The following AFF2 variants were observed in gnomAD, a reference collection of about 807,000 sequenced individuals.
AFF2 encodes the protein AF4/FMR2 family member 2.
In AFF2, 14 loss-of-function variants were observed where a neutral mutation model predicts 76.9. The observed-to-expected ratio is 0.18, with a 90% CI of 0.12 to 0.28. The LOEUF is 0.28. Among genes scored for constraint, AFF2 ranks in the 10% least tolerant of loss-of-function variants. AFF2 has a pLI of 1.00. For synonymous variants in AFF2, 398 were observed against 366.7 expected (o/e 1.09, Z -0.98); for missense variants, 868 against 1,001.1 (o/e 0.87, Z 1.79).
intron 1 of AFF2, among the ~76,000 whole-genome samples, chrX:148,545,677 A>C (rs1247352186): frequency 1.2e-4 from 13 of 110,299 alleles, no homozygotes; most frequent in Non-Finnish European, 3.8e-5. Context: ...TCAGTTATAT[A>C]GTCACCCCAG....
In AFF2 at chrX:148,956,537, C is replaced by T. The variant is rs782760302; in HGVS notation, c.2492C>T (p.Thr831Ile). 5.0e-6 allele frequency: 6 copies of T among 1,212,046 alleles called. No individual in the cohort carries two copies. In the East Asian group the frequency reaches 1.8e-4, roughly 36 times the overall value. ...CCTGCCAAGCCAGACCACAAGGAGA[C>T]TGCCACAAAACCCAAGCGTCAGACA... ...AAPAKPDHKE[T>I]ATKPKRQTAV... Residue 831 changes from threonine to isoleucine, a missense_variant, in exon 11 of 21, where the codon ACT becomes ATT. Thr to Ile is a moderately conservative substitution (Grantham distance 89). This residue lies in a region of AFF2 where 532 missense variants were observed against 564.2 expected (regional missense o/e 0.94). Coordinates refer to ENST00000370460, the MANE Select transcript of AFF2 (RefSeq NM_002025.4).
intron 3 of AFF2, among the ~76,000 whole-genome samples, chrX:148,796,912 T>C (rs782254000): frequency 9.7e-5 from 3 of 31,058 alleles, no homozygotes; most frequent in South Asian, 3.0e-3. Context: ...ATAGTTGAGA[T>C]ACTTTGGCCT....
intron 3 of AFF2, among the ~76,000 whole-genome samples, chrX:148,711,353 T>C (rs1305584983): frequency 8.9e-6 from 1 of 112,076 alleles, no homozygotes; most frequent in Non-Finnish European, 1.9e-5. Flanking sequence ...AAATCTACAT[T>C]ATTATGTATG....
intron 16 of AFF2, 69 bp downstream of exon 16, chrX:148,973,676 A>T: frequency 2.8e-6 from 3 of 1,055,887 alleles, no homozygotes; most frequent in South Asian, 4.4e-5. Context: ...TGTTTTAAAA[A>T]ATGTATCATT....
rs1369899943 is a variant in AFF2, at chrX:148,668,505, C to G, written c.1041+5737C>G. Among the ~76,000 whole-genome samples, 3 of 112,664 alleles carry G rather than the reference C, an allele frequency of 2.7e-5. No homozygotes were observed. In the Admixed American group the frequency reaches 2.8e-4, roughly 11 times the overall value. On this transcript the variant is annotated intron_variant, in intron 3 of 20. Transcript: ENST00000370460. ...CTGCAGTGAACTTCTGCCTGGGTAT[C>G]CAGGCATTTCCATACATCCTCTGAA... is the stretch of plus-strand genomic sequence containing the variant.
intron 8 of AFF2, among the ~76,000 whole-genome samples, chrX:148,901,847 ACCATCATTTACTTG>A (rs1457833631): frequency 3.6e-5 from 4 of 111,638 alleles, no homozygotes; most frequent in Non-Finnish European, 7.5e-5. Context: ...CATTTACTCT[ACCATCATTTACTTG>A]CCATCATTTA....
chrX:148,641,285 C>T (rs782817815), intron 1 of AFF2, among the ~76,000 whole-genome samples: 118 of 111,925 alleles, frequency 1.1e-3, no homozygotes, highest in South Asian at 4.1e-3. Flanking sequence ...TTTGTTCATT[C>T]ATTCAGTTGA....
chrX:148,995,224 T>C lies in AFF2; in HGVS notation c.*3892T>C, dbSNP rs1051012791. 1.8e-5 allele frequency: 2 copies of C among 110,805 alleles called. No individual in the cohort carries two copies. The highest frequency in any genetic ancestry group is 6.6e-5 in the African/African-American group (2 of 30,399). The allele number at this position is 110,805 out of a possible 1,213,427, so 9.1% of individuals were successfully genotyped here. A position where few individuals can be genotyped will look rare whatever the true frequency, so the allele number is the denominator to read the frequency against. On this transcript the variant is annotated 3_prime_UTR_variant, in exon 21 of 21. Transcript: ENST00000370460. ...AATCTAATTCATTTTCTCTTTAGTG[T>C]TAGTAGACTCCAACAACAGAAGTGG...
chrX:148,566,138 T>G (rs782562297), intron 1 of AFF2, among the ~76,000 whole-genome samples: 10 of 111,294 alleles, frequency 9.0e-5, no homozygotes, highest in Non-Finnish European at 1.7e-4. Flanking sequence ...GAGGTATCAT[T>G]ATCGTATGGT....
intron 9 of AFF2, among the ~76,000 whole-genome samples, chrX:148,951,759 G>T (rs1446038560): frequency 9.1e-6 from 1 of 109,447 alleles, no homozygotes; most frequent in Non-Finnish European, 1.9e-5. Context: ...TGACACTAAA[G>T]AGAGATCTAC....
At position 148,871,284 on chromosome X, in the gene AFF2, G is replaced by A. The variant is rs72611271; in HGVS notation, c.1263-14605G>A. Among the ~76,000 whole-genome samples, 12 of 111,021 alleles carry A rather than the reference G, an allele frequency of 1.1e-4. No homozygotes were observed. In the East Asian group the frequency reaches 3.2e-3, roughly 29 times the overall value. On this transcript the variant is annotated intron_variant, in intron 7 of 20. Transcript: ENST00000370460. ...TGTGGGAGTTACATACCCGTACAGG[G>A]CCCTGATAGGAGCCTGGATACCTAA...
intron 7 of AFF2, among the ~76,000 whole-genome samples, chrX:148,869,329 T>C (rs1349056241): frequency 1.8e-5 from 2 of 111,927 alleles, no homozygotes; most frequent in Non-Finnish European, 3.8e-5. Flanking sequence ...ACTGCAAAGA[T>C]ACTAAAAAGC....
chrX:148,594,461 A>G (rs2053552164), intron 1 of AFF2, among the ~76,000 whole-genome samples: 1 of 112,054 alleles, frequency 8.9e-6, no homozygotes, highest in East Asian at 2.8e-4. Flanking sequence ...TGGATTGATC[A>G]CATGCCTCTA....
chrX:148,638,980 G>T (rs1557254299), intron 1 of AFF2, among the ~76,000 whole-genome samples: 1 of 111,807 alleles, frequency 8.9e-6, no homozygotes, highest in African/African-American at 3.3e-5. Flanking sequence ...GAGAGCAGGG[G>T]GTGGTATAGA....
chrX:148,663,930 GT>G (rs2054333143), intron 3 of AFF2, among the ~76,000 whole-genome samples: 1 of 112,074 alleles, frequency 8.9e-6, no homozygotes, highest in East Asian at 2.8e-4. Flanking sequence ...CTGAATGTAT[GT>G]TTTTAATATT....
intron 3 of AFF2, among the ~76,000 whole-genome samples, chrX:148,737,759 A>G (rs1238900882): frequency 1.8e-5 from 2 of 111,805 alleles, no homozygotes; most frequent in South Asian, 3.7e-4. Flanking sequence ...TGGGTTTGTC[A>G]TAGATGGCTT....
chrX:148,980,599 G>A, intron 18 of AFF2, 139 bp from the exon 19 acceptor site: 1 of 395,312 alleles, frequency 2.5e-6, no homozygotes, highest in Non-Finnish European at 4.5e-6. Context: ...GTGCTGACGT[G>A]CACATACATC....
chrX:148,967,204 T>C, intron 14 of AFF2, 125 bp downstream of exon 14: 1 of 1,005,228 alleles, frequency 9.9e-7, no homozygotes, highest in South Asian at 2.4e-5. Flanking sequence ...CCTATACCCT[T>C]AAAAGTCCAC....
At chrX:148,503,866 A>C (rs1289045355) in intron 1 of AFF2, among the ~76,000 whole-genome samples, 1 of 111,311 alleles carries the variant, frequency 9.0e-6, no homozygotes, top group Non-Finnish European at 1.9e-5. Context: ...CATGCTCTGG[A>C]CTCGATTAAA....
Sources: gnomAD v4.1 joint callset for allele counts (sites outside exome capture counted in the v4.1 genomes callset) on GRCh38, gnomAD v4.1.1 for gene constraint, gnomAD v4.1.1 regional missense constraint, MANE v1.5 for transcripts, NCBI Gene and HGNC (gene_info 2026-07-23, HGNC 2026-07-21) for gene names.